The following KIF6 variants were observed in gnomAD, a reference collection of about 807,000 sequenced individuals.
The protein encoded by KIF6 is kinesin family member 6.
A neutral mutation model predicts 112.7 loss-of-function variants in KIF6; 106 were observed. That is an observed-to-expected ratio of 0.94 (90% CI 0.80 to 1.11). KIF6 has a LOEUF of 1.11. Ranked by LOEUF, KIF6 falls within the 50% of genes least tolerant of loss-of-function variation. The pLI is 0.00. For synonymous variants in KIF6, 339 were observed against 339.9 expected (o/e 1.00, Z 0.03); for missense variants, 929 against 964.0 (o/e 0.96, Z 0.48).
chr6:39,502,502 C>T (rs536225405), intron 13 of KIF6, among the ~76,000 whole-genome samples: 2 of 152,126 alleles, frequency 1.3e-5, no homozygotes, highest in African/African-American at 4.8e-5. Flanking sequence ...CAATACTAAC[C>T]TTAAGTGCAA....
intron 13 of KIF6, among the ~76,000 whole-genome samples, chr6:39,460,149 A>C (rs1773369488): frequency 7.0e-6 from 1 of 143,692 alleles, no homozygotes; most frequent in Admixed American, 7.1e-5. Context: ...GATAGACTGG[A>C]TTAAGAAAAT....
chr6:39,467,325 C>T (rs1007020684), intron 13 of KIF6, among the ~76,000 whole-genome samples: 3 of 152,096 alleles, frequency 2.0e-5, no homozygotes, highest in African/African-American at 4.8e-5. Context: ...CAAAGAATGG[C>T]CTCAAAGACT....
chr6:39,612,867 A>C (rs904757023), intron 6 of KIF6, among the ~76,000 whole-genome samples: 5 of 152,202 alleles, frequency 3.3e-5, no homozygotes, highest in African/African-American at 7.2e-5. Flanking sequence ...ATTGTCATTA[A>C]TGTACAAACC....
At chr6:39,641,957 C>T (rs879667668) in intron 3 of KIF6, among the ~76,000 whole-genome samples, 2 of 152,042 alleles carry the variant, frequency 1.3e-5, no homozygotes, top group Non-Finnish European at 2.9e-5. Flanking sequence ...ATATATACTC[C>T]CATGGCTATT....
In KIF6 at chr6:39,639,698, GTCT is replaced by G. The variant is rs769884504; in HGVS notation, c.308_310del (p.Lys103del). ...CTCTGCACCCCCTGTGATAGTGAAT[GTCT>G]TCCCGCTGCCTGTTTGCCCATATGC... On this transcript the variant is annotated inframe_deletion, in exon 4 of 23. Transcript: ENST00000287152. 1.2e-6 allele frequency: 2 copies of G among 1,612,348 alleles called. No individual in the cohort carries two copies. Among genetic ancestry groups the G allele is most frequent in the East Asian group, 4.5e-5 (2 of 44,778 alleles).
intron 13 of KIF6, among the ~76,000 whole-genome samples, chr6:39,514,295 T>C (rs150214312): frequency 1.9e-4 from 29 of 152,324 alleles, no homozygotes; most frequent in Admixed American, 4.6e-4. Flanking sequence ...TTATTGTTAT[T>C]AGTGTTTTTC....
At chr6:39,546,110 ATCT>A (rs922768110) in intron 10 of KIF6, among the ~76,000 whole-genome samples, 3 of 152,030 alleles carry the variant, frequency 2.0e-5, no homozygotes. Context: ...ATTCCAGGTG[ATCT>A]TCTATTCTTC....
chr6:39,634,128 T>C (rs572670387), intron 5 of KIF6, among the ~76,000 whole-genome samples: 1 of 152,266 alleles, frequency 6.6e-6, no homozygotes, highest in African/African-American at 2.4e-5. Flanking sequence ...GTTTCTAAAT[T>C]AGAGTATTTA....
At chr6:39,381,523 C>T (rs961486985) in intron 16 of KIF6, among the ~76,000 whole-genome samples, 1 of 152,130 alleles carries the variant, frequency 6.6e-6, no homozygotes, top group Non-Finnish European at 1.5e-5. Flanking sequence ...TTACTCTTAC[C>T]GGAGCCCTCT....
At chr6:39,678,915 C>T (rs2113764840) in intron 3 of KIF6, among the ~76,000 whole-genome samples, 1 of 152,208 alleles carries the variant, frequency 6.6e-6, no homozygotes, top group Admixed American at 6.5e-5. Flanking sequence ...TCATAAAAGG[C>T]CCCAGTACCC....
intron 13 of KIF6, among the ~76,000 whole-genome samples, chr6:39,517,826 A>G (rs190361688): frequency 1.3e-5 from 2 of 152,362 alleles, no homozygotes; most frequent in East Asian, 3.9e-4. Context: ...AGAGAGAACA[A>G]CAGACTGCCA....
At chr6:39,626,147 T>C (rs1030197886) in intron 5 of KIF6, among the ~76,000 whole-genome samples, 2 of 152,120 alleles carry the variant, frequency 1.3e-5, no homozygotes, top group African/African-American at 4.8e-5. Context: ...TGAAATCAGT[T>C]TCCCCTCTTC....
chr6:39,346,438 G>A, intron 20 of KIF6, 38 bp downstream of exon 20: 4 of 717,048 alleles, frequency 5.6e-6, no homozygotes, highest in Non-Finnish European at 1.0e-5. Flanking sequence ...GATGCGTCGA[G>A]AAGACAGCTG....
intron 14 of KIF6, among the ~76,000 whole-genome samples, chr6:39,428,475 T>C (rs965599846): frequency 2.4e-4 from 37 of 152,234 alleles, no homozygotes; most frequent in Admixed American, 2.1e-3. Flanking sequence ...GGCTAAAATT[T>C]GTGCAGATGT....
At chr6:39,509,318 C>T (rs185495356) in intron 13 of KIF6, among the ~76,000 whole-genome samples, 9 of 152,300 alleles carry the variant, frequency 5.9e-5, no homozygotes, top group Admixed American at 5.2e-4. Context: ...CAGAACATGT[C>T]TTCTCCTCCA....
At chr6:39,549,593 T>C (rs146994625) in intron 10 of KIF6, among the ~76,000 whole-genome samples, 1 of 152,306 alleles carries the variant, frequency 6.6e-6, no homozygotes, top group Admixed American at 6.5e-5. Flanking sequence ...GATGTATTTC[T>C]AAAAGGGAGA....
At chr6:39,579,823 T>C (rs1781190492) in intron 9 of KIF6, among the ~76,000 whole-genome samples, 1 of 151,940 alleles carries the variant, frequency 6.6e-6, no homozygotes, top group South Asian at 2.1e-4. Context: ...TGTTTATATA[T>C]ATAAATGTGT....
chr6:39,534,797 A>G (rs1424482097), intron 13 of KIF6, among the ~76,000 whole-genome samples: 1 of 152,236 alleles, frequency 6.6e-6, no homozygotes, highest in Non-Finnish European at 1.5e-5. Flanking sequence ...AAAAAATGTT[A>G]AGGGCAGCCA....
At chr6:39,521,053 G>A (rs1735111314) in intron 13 of KIF6, among the ~76,000 whole-genome samples, 1 of 152,110 alleles carries the variant, frequency 6.6e-6, no homozygotes, top group South Asian at 2.1e-4. Context: ...TTTCATCTTT[G>A]TTGGTATAAA....
Sources: gnomAD v4.1 joint callset for allele counts (sites outside exome capture counted in the v4.1 genomes callset) on GRCh38, gnomAD v4.1.1 for gene constraint, MANE v1.5 for transcripts, NCBI Gene and HGNC (gene_info 2026-07-23, HGNC 2026-07-21) for gene names.